Variants in PRKN observed in about 807,000 individuals in gnomAD.
PRKN encodes parkin RBR E3 ubiquitin protein ligase.
Under a neutral mutation model 59.5 loss-of-function variants are expected in PRKN, and 56 were observed. The ratio of observed to expected loss-of-function variants is 0.94; its 90% CI spans 0.76 to 1.18. The LOEUF is 1.18. Ranked by LOEUF, PRKN falls within the 50% of genes most tolerant of loss-of-function variation. The pLI is 0.00. For missense variants in PRKN, 657 were observed against 596.4 expected (o/e 1.10, Z -1.06); for synonymous variants, 250 against 222.1 (o/e 1.13, Z -1.12).
chr6:162,540,869 C>T (rs1225913633), intron 1 of PRKN, among the ~76,000 whole-genome samples: 1 of 151,932 alleles, frequency 6.6e-6, no homozygotes, highest in African/African-American at 2.4e-5. Flanking sequence ...ACATATCTGT[C>T]CAAGTATCTG....
chr6:161,573,682 T>A (rs1260579726), intron 7 of PRKN, among the ~76,000 whole-genome samples: 5 of 126,058 alleles, frequency 4.0e-5, no homozygotes, highest in South Asian at 3.0e-4. Flanking sequence ...ATGGCGCCAC[T>A]GCGTTCCAGC....
At chr6:161,654,100 A>G (rs1463252240) in intron 7 of PRKN, among the ~76,000 whole-genome samples, 1 of 152,096 alleles carries the variant, frequency 6.6e-6, no homozygotes, top group East Asian at 1.9e-4. Context: ...CTGAGTAGCT[A>G]GGAGCGCAGG....
rs148315059 is a variant in PRKN, at chr6:162,208,633, A to C, written c.413-7381T>G. On this transcript the variant is annotated intron_variant, in intron 3 of 11. Transcript: ENST00000366898. Reference sequence around the variant, plus strand: ...AGAATTAGGTTTAAATAAATAACAAAGTACAAAGCCAAAAAGAGTAAATGT... The same window carrying C: ...AGAATTAGGTTTAAATAAATAACAACGTACAAAGCCAAAAAGAGTAAATGT... Among the ~76,000 whole-genome samples the C allele has an allele frequency of 8.2e-4, 125 of 152,322 alleles. 3 individuals carry two copies. The East Asian group carries it at 0.022, about 27-fold the overall frequency.
chr6:162,346,592 G>A (rs2128129776), intron 2 of PRKN, among the ~76,000 whole-genome samples: 1 of 152,080 alleles, frequency 6.6e-6, no homozygotes, highest in South Asian at 2.1e-4. Context: ...CTGTACTCTA[G>A]CCTGGGTGAC....
chr6:161,866,368 G>A (rs1436893717), intron 6 of PRKN, among the ~76,000 whole-genome samples: 2 of 152,160 alleles, frequency 1.3e-5, no homozygotes, highest in African/African-American at 4.8e-5. Flanking sequence ...GAGGTCAGGA[G>A]ATTGAGACCA....
At chr6:162,228,740 G>A (rs1305988294) in intron 3 of PRKN, among the ~76,000 whole-genome samples, 2 of 152,144 alleles carry the variant, frequency 1.3e-5, no homozygotes, top group Non-Finnish European at 2.9e-5. Context: ...ATGCCTAGCA[G>A]AGTCCAATAT....
At chr6:162,530,278 G>T (rs1434846575) in intron 1 of PRKN, among the ~76,000 whole-genome samples, 2 of 152,162 alleles carry the variant, frequency 1.3e-5, no homozygotes, top group Non-Finnish European at 2.9e-5. Context: ...ATCACTTGAG[G>T]AATAGCTGAG....
In PRKN at chr6:161,357,403, C is replaced by T. The variant is rs1281154078; in HGVS notation, c.1285+2685G>A. Among the ~76,000 whole-genome samples the T allele has an allele frequency of 2.0e-5, 3 of 152,134 alleles. No individual in the cohort carries two copies. The highest frequency in any genetic ancestry group is 4.4e-5 in the Non-Finnish European group (3 of 68,024). On this transcript the variant is annotated intron_variant, in intron 11 of 11. Coordinates refer to ENST00000366898, the MANE Select transcript of PRKN (RefSeq NM_004562.3). This position sits in a 1 kb window ranked among gnomAD's most constrained non-coding sequence, Gnocchi z 5.5. ...CTGCCACCACCAGAGTCTGGGCTAC[C>T]GAGGAGGCCACTAAGGCATGGACCC... is the stretch of plus-strand genomic sequence containing the variant.
chr6:162,114,741 A>G (rs1431907535), intron 4 of PRKN, among the ~76,000 whole-genome samples: 3 of 150,926 alleles, frequency 2.0e-5, no homozygotes, highest in Non-Finnish European at 4.4e-5. Context: ...AACACATGAA[A>G]AAATGCTCAC....
At chr6:162,074,106 T>C (rs1365429641) in intron 4 of PRKN, among the ~76,000 whole-genome samples, 2 of 143,596 alleles carry the variant, frequency 1.4e-5, no homozygotes, top group East Asian at 4.1e-4. Flanking sequence ...GGAAATACCA[T>C]TTGACCCAGC....
chr6:161,821,161 A>G (rs1348096372), intron 6 of PRKN, among the ~76,000 whole-genome samples: 2 of 152,140 alleles, frequency 1.3e-5, no homozygotes, highest in African/African-American at 4.8e-5. Flanking sequence ...AGCAAAAAGT[A>G]AAATCCCCCA....
intron 1 of PRKN, among the ~76,000 whole-genome samples, chr6:162,453,803 T>C (rs1019171331): frequency 2.0e-5 from 3 of 152,008 alleles, no homozygotes; most frequent in African/African-American, 7.3e-5. Context: ...CTCAGGAGGC[T>C]GAGACAGGAG....
chr6:161,768,613 T>G (rs1470698603), intron 7 of PRKN, among the ~76,000 whole-genome samples: 2 of 152,216 alleles, frequency 1.3e-5, no homozygotes, highest in Non-Finnish European at 1.5e-5. Context: ...ACAGAAATTA[T>G]AAAGTTTTCT....
At chr6:162,452,961 A>G (rs991639359) in intron 1 of PRKN, among the ~76,000 whole-genome samples, 3 of 152,234 alleles carry the variant, frequency 2.0e-5, no homozygotes, top group Non-Finnish European at 4.4e-5. Flanking sequence ...CACAAAAAAT[A>G]GATTCAAAGG....
chr6:161,504,605 T>C (rs377318698), intron 9 of PRKN, among the ~76,000 whole-genome samples: 18 of 151,878 alleles, frequency 1.2e-4, no homozygotes, highest in Admixed American at 3.3e-4. Flanking sequence ...ACATGTGACA[T>C]GCTGGTGCGC....
intron 9 of PRKN, among the ~76,000 whole-genome samples, chr6:161,474,823 C>G (rs1387612833): frequency 6.6e-6 from 1 of 151,644 alleles, no homozygotes; most frequent in African/African-American, 2.4e-5. Flanking sequence ...AGGATGGTCT[C>G]GATCTCCTGA....
intron 6 of PRKN, among the ~76,000 whole-genome samples, chr6:161,815,807 T>G (rs981424900): frequency 6.6e-6 from 1 of 152,152 alleles, no homozygotes; most frequent in African/African-American, 2.4e-5. Context: ...TTAACAGAAC[T>G]GAGCAGAGAG....
At chr6:162,329,932 A>G (rs1218920782) in intron 2 of PRKN, among the ~76,000 whole-genome samples, 1 of 152,156 alleles carries the variant, frequency 6.6e-6, no homozygotes, top group East Asian at 1.9e-4. Flanking sequence ...CAGAAACGGT[A>G]TCCAATCTAC....
intron 7 of PRKN, among the ~76,000 whole-genome samples, chr6:161,646,722 T>C (rs542117920): frequency 6.6e-6 from 1 of 152,122 alleles, no homozygotes; most frequent in African/African-American, 2.4e-5. Flanking sequence ...CATGGATGCA[T>C]TTACAAATAG....
Sources: allele counts gnomAD v4.1 joint callset (sites outside exome capture counted in the v4.1 genomes callset), GRCh38; gene constraint gnomAD v4.1.1; non-coding constraint Gnocchi (gnomAD v3.1); transcripts MANE v1.5; gene names NCBI Gene and HGNC (gene_info 2026-07-23, HGNC 2026-07-21).